DNER: variants seen among roughly 807,000 people sequenced by gnomAD.
DNER encodes delta and Notch-like epidermal growth factor-related receptor.
In DNER, 33 loss-of-function variants were observed where a neutral mutation model predicts 78.2. The ratio of observed to expected loss-of-function variants is 0.42; its 90% confidence interval spans 0.32 to 0.56. The LOEUF (loss-of-function observed/expected upper bound fraction) is 0.56, where lower values mean the gene tolerates loss of function less well. Among genes scored for constraint, DNER ranks in the 20% least tolerant of loss-of-function variants. The probability of loss-of-function intolerance (pLI) is 0.11; values close to 1 mark genes in which losing one functional copy is unlikely to be tolerated. For synonymous variants in DNER, 417 were observed against 384.8 expected (o/e 1.08, Z -0.98); for missense variants, 918 against 975.3 (o/e 0.94, Z 0.78).
intron 1 of DNER, among the ~76,000 whole-genome samples, chr2:229,620,704 C>G (rs1698239184): frequency 6.6e-6 from 1 of 152,190 alleles, no homozygotes; most frequent in Admixed American, 6.5e-5. Flanking sequence ...TTGCATCCCC[C>G]CAAAATCCAT....
chr2:229,437,292 G>T (rs1694142406), intron 8 of DNER, among the ~76,000 whole-genome samples: 1 of 152,224 alleles, frequency 6.6e-6, no homozygotes, highest in African/African-American at 2.4e-5. Flanking sequence ...GTATCAATCT[G>T]CTTCAGGCAA....
At chr2:229,374,440 A>T (rs1420695602) in intron 11 of DNER, among the ~76,000 whole-genome samples, 1 of 152,206 alleles carries the variant, frequency 6.6e-6, no homozygotes, top group Non-Finnish European at 1.5e-5. Flanking sequence ...AAGACACCCA[A>T]GTAGTTATGT....
intron 4 of DNER, among the ~76,000 whole-genome samples, chr2:229,554,342 G>A (rs980630612): frequency 4.6e-5 from 7 of 152,258 alleles, no homozygotes; most frequent in Middle Eastern, 3.4e-3. Context: ...GGGATCACTC[G>A]AGCTTAGGAG....
intron 1 of DNER, among the ~76,000 whole-genome samples, chr2:229,713,896 A>G (rs79825726): frequency 0.15 from 22,648 of 151,940 alleles, 1,838 homozygotes; most frequent in African/African-American, 0.21. Flanking sequence ...CCCGCGCGAG[A>G]AGTGCCGAGC....
chr2:229,454,129 A>G (rs1216081104), intron 7 of DNER, among the ~76,000 whole-genome samples: 3 of 152,164 alleles, frequency 2.0e-5, no homozygotes, highest in Non-Finnish European at 2.9e-5. Context: ...CTTGACCTCC[A>G]TCAGTGTGGC....
intron 11 of DNER, among the ~76,000 whole-genome samples, chr2:229,384,473 C>T (rs1048571075): frequency 6.6e-6 from 1 of 152,114 alleles, no homozygotes; most frequent in Non-Finnish European, 1.5e-5. Context: ...AATCCAGGAG[C>T]TGGTTTTTTG....
chr2:229,673,289 TGAG>T (rs1182016866), intron 1 of DNER, among the ~76,000 whole-genome samples: 4 of 152,032 alleles, frequency 2.6e-5, no homozygotes, highest in African/African-American at 9.7e-5. Flanking sequence ...TGGAAACTGC[TGAG>T]AAGAAGGCAC....
chr2:229,382,261 G>A (rs1017439666), intron 11 of DNER, among the ~76,000 whole-genome samples: 1 of 152,084 alleles, frequency 6.6e-6, no homozygotes, highest in Non-Finnish European at 1.5e-5. Context: ...CCATCCAAAG[G>A]TCACCAACAT....
At chr2:229,403,521 C>T (rs1039458906) in intron 10 of DNER, among the ~76,000 whole-genome samples, 10 of 152,230 alleles carry the variant, frequency 6.6e-5, no homozygotes, top group African/African-American at 1.7e-4. Context: ...TTCTGTTAAA[C>T]GCATTAACAG....
At chr2:229,381,004 T>A (rs997509642) in intron 11 of DNER, among the ~76,000 whole-genome samples, 1 of 152,046 alleles carries the variant, frequency 6.6e-6, no homozygotes, top group Admixed American at 6.5e-5. Context: ...TAGGAACAGC[T>A]CTGGTGTGCA....
intron 7 of DNER, among the ~76,000 whole-genome samples, chr2:229,475,036 T>A (rs1695002019): frequency 6.6e-6 from 1 of 152,220 alleles, no homozygotes; most frequent in Non-Finnish European, 1.5e-5. Context: ...GTAATCATTA[T>A]CATGAAAACA....
intron 3 of DNER, chr2:229,586,773 A>G (rs1228305510): frequency 2.0e-6 from 2 of 985,516 alleles, no homozygotes; most frequent in Non-Finnish European, 2.4e-6. Context: ...ACTCCTGACC[A>G]CTTCCCAACA....
chr2:229,677,118 A>G (rs1699312429), intron 1 of DNER, among the ~76,000 whole-genome samples: 1 of 152,080 alleles, frequency 6.6e-6, no homozygotes, highest in Non-Finnish European at 1.5e-5. Context: ...CAGCTTCACT[A>G]TCCTATCCAT....
chr2:229,711,864 C>T (rs901814405), intron 1 of DNER, among the ~76,000 whole-genome samples: 1 of 152,072 alleles, frequency 6.6e-6, no homozygotes, highest in African/African-American at 2.4e-5. Flanking sequence ...CTCCCCACCA[C>T]CCCAGGTTTA....
intron 8 of DNER, among the ~76,000 whole-genome samples, chr2:229,444,406 C>T (rs1289946368): frequency 6.6e-6 from 1 of 152,092 alleles, no homozygotes; most frequent in Non-Finnish European, 1.5e-5. Context: ...AGTCAATAAG[C>T]GAGGATGTTA....
chr2:229,599,631 A>G (rs566751320), intron 1 of DNER, among the ~76,000 whole-genome samples: 72 of 152,356 alleles, frequency 4.7e-4, no homozygotes, highest in African/African-American at 1.7e-3. Flanking sequence ...CACTCCATCA[A>G]AATTATTTTT....
At chr2:229,650,722 C>G (rs565089189) in intron 1 of DNER, among the ~76,000 whole-genome samples, 1 of 152,298 alleles carries the variant, frequency 6.6e-6, no homozygotes, top group East Asian at 1.9e-4. Flanking sequence ...GCTCTACTTA[C>G]CTGCCCAAAG....
intron 1 of DNER, among the ~76,000 whole-genome samples, chr2:229,661,001 A>G (rs1699001173): frequency 6.6e-6 from 1 of 152,176 alleles, no homozygotes; most frequent in African/African-American, 2.4e-5. Context: ...GGCAAACCTA[A>G]TTACATTGTT....
intron 10 of DNER, among the ~76,000 whole-genome samples, chr2:229,400,716 A>G (rs1693248427): frequency 6.6e-6 from 1 of 152,080 alleles, no homozygotes; most frequent in Non-Finnish European, 1.5e-5. Flanking sequence ...CAAATGGAGG[A>G]GAATAAACAA....
Sources: gnomAD v4.1 joint callset for allele counts (sites outside exome capture counted in the v4.1 genomes callset) on GRCh38, gnomAD v4.1.1 for gene constraint, MANE v1.5 for transcripts, NCBI Gene and HGNC (gene_info 2026-07-23, HGNC 2026-07-21) for gene names.